Variants in DOCK4 observed in about 807,000 individuals in gnomAD.
DOCK4 encodes dedicator of cytokinesis protein 4.
In DOCK4, 97 loss-of-function variants were observed where a neutral mutation model predicts 268.1. The observed-to-expected ratio is 0.36, with a 90% CI of 0.31 to 0.43. The LOEUF is 0.43. Ranked by LOEUF, DOCK4 falls within the 20% of genes least tolerant of loss-of-function variation. DOCK4 has a pLI of 1.00. For missense variants in DOCK4, 2,145 were observed against 2,455.7 expected (o/e 0.87, Z 2.67); for synonymous variants, 954 against 887.2 (o/e 1.08, Z -1.34).
chr7:112,000,651 G>T, intron 2 of DOCK4, 117 bp from the exon 3 acceptor site: 1 of 694,836 alleles, frequency 1.4e-6, no homozygotes, highest in Non-Finnish European at 2.3e-6. Context: ...AGATTCTATG[G>T]ATAAATATGG....
intron 35 of DOCK4, among the ~76,000 whole-genome samples, chr7:111,779,049 G>A (rs1280840032): frequency 2.0e-5 from 3 of 149,218 alleles, no homozygotes; most frequent in Admixed American, 1.3e-4. Context: ...GAAAGACTCC[G>A]TCTAAAAAAA....
intron 25 of DOCK4, among the ~76,000 whole-genome samples, chr7:111,844,090 C>G (rs1386605483): frequency 6.6e-6 from 1 of 152,130 alleles, no homozygotes; most frequent in African/African-American, 2.4e-5. Flanking sequence ...GCCTGACCAA[C>G]ATGGTGAAAC....
intron 23 of DOCK4, among the ~76,000 whole-genome samples, chr7:111,852,079 C>T (rs2134122268): frequency 6.6e-6 from 1 of 151,416 alleles, no homozygotes; most frequent in Non-Finnish European, 1.5e-5. Flanking sequence ...TCTCCTGTCT[C>T]AGCCTCCTGA....
chr7:111,863,400 G>A lies in DOCK4; in HGVS notation c.2445C>T (p.Thr815=), dbSNP rs547227691. 10 of 1,613,990 alleles carry A rather than the reference G, an allele frequency of 6.2e-6. No individual in the cohort carries two copies. Among genetic ancestry groups the A allele is most frequent in the Admixed American group, 5.0e-5 (3 of 60,026 alleles). ...GGTTGGTATAAAGCTGGCTTTCCAC[G>A]GTTTTGCCAATGCACTGCAGTTTGA... ...QAIKLQCIGK[T]VESQLYTNPD... Residue 815 remains threonine, a synonymous_variant, in exon 23 of 53, where the codon ACC becomes ACT. Coordinates refer to ENST00000428084, the MANE Select transcript of DOCK4 (RefSeq NM_001363540.2).
At chr7:111,759,067 A>T (rs1797220324) in intron 40 of DOCK4, among the ~76,000 whole-genome samples, 1 of 151,678 alleles carries the variant, frequency 6.6e-6, no homozygotes, top group South Asian at 2.1e-4. Context: ...AGATATCACT[A>T]ACTTGTGTGT....
At chr7:112,034,976 G>A (rs1171430389) in intron 1 of DOCK4, among the ~76,000 whole-genome samples, 3 of 152,140 alleles carry the variant, frequency 2.0e-5, no homozygotes, top group South Asian at 2.1e-4. Flanking sequence ...TTTATGCTCT[G>A]AACTGAGGAA....
chr7:111,941,271 T>C (rs969796735), intron 10 of DOCK4, among the ~76,000 whole-genome samples: 4 of 152,246 alleles, frequency 2.6e-5, no homozygotes, highest in African/African-American at 9.6e-5. Context: ...CATGACCTGA[T>C]GCCATATGTA....
rs1821410922 is a variant in DOCK4 at position 112,206,365 on chromosome 7, C to T, written c.-227G>A. 4 of 586,470 alleles carry T rather than the reference C, an allele frequency of 6.8e-6. No homozygotes were observed. Among genetic ancestry groups the T allele is most frequent in the Non-Finnish European group, 1.2e-5 (4 of 333,522 alleles). 36.3% of individuals were successfully genotyped at this position (586,470 alleles called of 1,614,324 possible). On this transcript the variant is annotated 5_prime_UTR_variant, in exon 1 of 53. Transcript: ENST00000428084. ...CTGCTCACAGTCCTCCGACGCGCTC[C>T]CGGGTACCCGGCGGCGCAGTCATTG...
At chr7:112,105,972 T>G (rs1678483748) in intron 1 of DOCK4, among the ~76,000 whole-genome samples, 1 of 152,212 alleles carries the variant, frequency 6.6e-6, no homozygotes, top group Admixed American at 6.5e-5. Context: ...ATCACAGGCA[T>G]GAGCCACTGC....
chr7:111,837,885 G>T (rs2134043337), intron 25 of DOCK4, among the ~76,000 whole-genome samples: 1 of 152,032 alleles, frequency 6.6e-6, no homozygotes, highest in Non-Finnish European at 1.5e-5. Flanking sequence ...TCAGGAGTTT[G>T]AGACCAACCT....
chr7:112,149,139 A>G (rs1038806950), intron 1 of DOCK4, among the ~76,000 whole-genome samples: 1 of 152,188 alleles, frequency 6.6e-6, no homozygotes, highest in African/African-American at 2.4e-5. Flanking sequence ...AAATTTTTCA[A>G]GAGAGACTTA....
At chr7:112,105,916 C>T (rs1050557062) in intron 1 of DOCK4, among the ~76,000 whole-genome samples, 16 of 152,254 alleles carry the variant, frequency 1.1e-4, no homozygotes, top group Middle Eastern at 3.4e-3. Context: ...GTCTTGAACT[C>T]CTGGGCTCAA....
chr7:111,809,440 C>CA (rs1219454961), intron 28 of DOCK4, 39 bp from the exon 29 acceptor site: 15 of 1,490,516 alleles, frequency 1.0e-5, no homozygotes, highest in Non-Finnish European at 1.3e-5. Flanking sequence ...TATGGTGTTA[C>CA]AAGCATATTG....
intron 1 of DOCK4, among the ~76,000 whole-genome samples, chr7:112,020,770 A>C (rs1793162689): frequency 6.6e-6 from 1 of 152,102 alleles, no homozygotes. Context: ...TATAATGAAA[A>C]GGTGTGGTCA....
intron 1 of DOCK4, among the ~76,000 whole-genome samples, chr7:112,084,841 G>A (rs1302110441): frequency 6.6e-6 from 1 of 151,970 alleles, no homozygotes; most frequent in African/African-American, 2.4e-5. Context: ...TTTCTGCTGG[G>A]TGTTTTCACC....
intron 41 of DOCK4, among the ~76,000 whole-genome samples, chr7:111,757,354 T>A (rs1267526641): frequency 6.6e-6 from 1 of 152,140 alleles, no homozygotes; most frequent in Non-Finnish European, 1.5e-5. Flanking sequence ...GTTCTAGGAC[T>A]GGAGCTACCG....
chr7:111,954,897 T>C (rs1796340707), intron 8 of DOCK4, among the ~76,000 whole-genome samples: 1 of 152,124 alleles, frequency 6.6e-6, no homozygotes, highest in Non-Finnish European at 1.5e-5. Flanking sequence ...ATTCTCCTGG[T>C]GAGCTGTATA....
chr7:111,863,247 T>A, intron 23 of DOCK4, 125 bp downstream of exon 23: 1 of 981,186 alleles, frequency 1.0e-6, no homozygotes, highest in Non-Finnish European at 1.5e-6. Context: ...ACCATCCAAA[T>A]AAACAATGGT....
chr7:111,854,400 G>A lies in DOCK4; in HGVS notation c.2474-7274C>T, dbSNP rs184678978. On this transcript the variant is annotated intron_variant, in intron 23 of 52. Coordinates refer to ENST00000428084, the MANE Select transcript of DOCK4 (RefSeq NM_001363540.2). ...TCAATCGATCACGACCCTCTCACAC[G>A]GACCCCCTTAGAGTTGTAACCCTCA... 5.8e-4 allele frequency among the ~76,000 whole-genome samples: 88 copies of A among 152,236 alleles called. 1 individual carries two copies. The highest frequency in any genetic ancestry group is 2.1e-3 in the African/African-American group (86 of 41,534).
Sources: allele counts gnomAD v4.1 joint callset (sites outside exome capture counted in the v4.1 genomes callset), GRCh38; gene constraint gnomAD v4.1.1; transcripts MANE v1.5; gene names NCBI Gene and HGNC (gene_info 2026-07-23, HGNC 2026-07-21).